The following TEK variants were observed in gnomAD, a reference collection of about 807,000 sequenced individuals.
The protein encoded by TEK is TEK receptor tyrosine kinase.
A neutral mutation model predicts 131.8 loss-of-function variants in TEK; 43 were observed. The ratio of observed to expected loss-of-function variants is 0.33; its 90% CI spans 0.26 to 0.42. The LOEUF (loss-of-function observed/expected upper bound fraction) is 0.42. Among genes scored for constraint, TEK ranks in the 10% least tolerant of loss-of-function variants. The pLI, the probability that TEK is intolerant of heterozygous loss-of-function variation, is 1.00. For missense variants in TEK, 1,162 were observed against 1,384.4 expected, an observed-to-expected ratio of 0.84 and a Z score of 2.55; for synonymous variants, 580 against 491.6, an observed-to-expected ratio of 1.18 and a Z score of -2.38.
In TEK at chr9:27,173,808, T is replaced by C. The variant is rs1465767969; in HGVS notation, c.901+446T>C. 2.0e-5 allele frequency among the ~76,000 whole-genome samples: 3 copies of C among 149,152 alleles called. 1 individual carries two copies. Among genetic ancestry groups the C allele is most frequent in the South Asian group, 4.4e-4 (2 of 4,582 alleles). ...AGCCAGGCATGGTAGCACATGCCTG[T>C]TGTCCCAGTTATTCAGGAGGCTGAG... On this transcript the variant is annotated intron_variant, in intron 6 of 22. Transcript: ENST00000380036.
At chr9:27,151,372 G>A (rs1242681261) in intron 1 of TEK, among the ~76,000 whole-genome samples, 1 of 152,114 alleles carries the variant, frequency 6.6e-6, no homozygotes, top group Non-Finnish European at 1.5e-5. Flanking sequence ...CCAACAGAAA[G>A]AAATTAATAG....
At chr9:27,228,479 G>T (rs1477061214) in intron 22 of TEK, among the ~76,000 whole-genome samples, 174 bp downstream of exon 22, 1 of 152,038 alleles carries the variant, frequency 6.6e-6, no homozygotes, top group Non-Finnish European at 1.5e-5. Context: ...CAATTTTGGG[G>T]GGAAATAAGA....
rs780686223 is a variant in TEK at position 27,217,670 on chromosome 9, T to C, written c.2992-18T>C. The C allele has an allele frequency of 1.7e-5, 27 of 1,613,230 alleles. 1 individual carries two copies. The South Asian group carries it at 2.9e-4, about 17-fold the overall frequency. On this transcript the variant is annotated intron_variant, in intron 18 of 22. Coordinates refer to ENST00000380036, the MANE Select transcript of TEK (RefSeq NM_000459.5). ...GACCCTGTCCCAGTTAAGTGAAATC[T>C]CACTTTGTTCTCTCCAGGGAAGGCT...
chr9:27,216,888 A>G (rs1825837496), intron 18 of TEK, among the ~76,000 whole-genome samples: 1 of 152,166 alleles, frequency 6.6e-6, no homozygotes, highest in Non-Finnish European at 1.5e-5. Context: ...GGAGGGATCA[A>G]CCTCTCAATG....
rs115729243 is a variant in TEK, at chr9:27,150,708, C to A, written c.53-7123C>A. ...GATGGAACCATGCTTCCTGCACCCC[C>A]ACTGCCTCACAGAATGGAGTTTGCA... On this transcript the variant is annotated intron_variant, in intron 1 of 22. Transcript: ENST00000380036. Among the ~76,000 whole-genome samples the A allele has an allele frequency of 2.1e-3, 326 of 152,292 alleles. 2 individuals are homozygous for A. Among genetic ancestry groups the A allele is most frequent in the African/African-American group, 7.7e-3 (322 of 41,570 alleles).
At chr9:27,121,060 G>T (rs757287755) in intron 1 of TEK, among the ~76,000 whole-genome samples, 3 of 152,152 alleles carry the variant, frequency 2.0e-5, no homozygotes, top group African/African-American at 7.2e-5. Context: ...TGTGGCTCAC[G>T]CCTGTAATCC....
intron 1 of TEK, among the ~76,000 whole-genome samples, chr9:27,123,730 G>A (rs1821886052): frequency 6.6e-6 from 1 of 152,284 alleles, no homozygotes. Context: ...GCCCAGAGAA[G>A]TCAGCATTTT....
At chr9:27,173,481 C>A in intron 6 of TEK, 119 bp downstream of exon 6, 1 of 1,250,798 alleles carries the variant, frequency 8.0e-7, no homozygotes, top group Non-Finnish European at 1.2e-6. Context: ...CACTACTGGA[C>A]AACAGGATTT....
intron 19 of TEK, among the ~76,000 whole-genome samples, chr9:27,218,503 C>T (rs1339850976): frequency 1.3e-5 from 2 of 152,152 alleles, no homozygotes; most frequent in Admixed American, 6.5e-5. Flanking sequence ...TCAAGCTCCA[C>T]AACAAATTTC....
chr9:27,179,550 G>C (rs994683968), intron 6 of TEK, among the ~76,000 whole-genome samples: 9 of 152,176 alleles, frequency 5.9e-5, no homozygotes, highest in Non-Finnish European at 1.0e-4. Flanking sequence ...TCTGGAATAT[G>C]ATACATTCCT....
intron 2 of TEK, among the ~76,000 whole-genome samples, chr9:27,159,815 T>C (rs1587533561): frequency 6.6e-6 from 1 of 152,070 alleles, no homozygotes; most frequent in Admixed American, 6.6e-5. Flanking sequence ...GGGAGGAAGG[T>C]ACAGAATTCC....
rs1030143672 is a variant in TEK at position 27,109,367 on chromosome 9, C to G, written c.-224C>G. 8.0e-6 allele frequency: 5 copies of G among 622,978 alleles called. No homozygotes were observed. Among genetic ancestry groups the G allele is most frequent in the African/African-American group, 1.8e-5 (1 of 54,312 alleles). 38.6% of individuals were successfully genotyped at this position (622,978 alleles called of 1,614,324 possible). A position where few individuals can be genotyped will look rare whatever the true frequency, so the allele number is the denominator to read the frequency against. On this transcript the variant is annotated 5_prime_UTR_variant, in exon 1 of 23. Transcript: ENST00000380036. ...CCTTTAAGATACAGCCTTTCCCATC[C>G]TAATCTACAAAGGAAACAGGAAAAA...
In TEK at chr9:27,206,611, A is replaced by G. The variant is rs1436470696; in HGVS notation, c.2394A>G (p.Ser798=). The stretch of plus-strand genomic sequence containing the variant: ...AAGAACCAGCTGTGCAGTTCAACTC[A>G]GGGACTCTGGCCCTAAACAGGAAGG... ...VREEPAVQFN[S]GTLALNRKVK... is the part of the protein sequence containing the mutation. Residue 798 remains serine (S), a synonymous_variant, in exon 15 of 23, where the codon TCA becomes TCG. Coordinates refer to ENST00000380036, the MANE Select transcript of TEK (RefSeq NM_000459.5). 2.5e-6 allele frequency: 4 copies of G among 1,614,020 alleles called. No homozygotes were observed. The highest frequency in any genetic ancestry group is 3.4e-6 in the Non-Finnish European group (4 of 1,179,972).
chr9:27,218,941 G>C, intron 20 of TEK, 124 bp downstream of exon 20: 2 of 974,790 alleles, frequency 2.1e-6, no homozygotes, highest in Non-Finnish European at 3.3e-6. Context: ...ATGTGACTTG[G>C]AAATAGAAAC....
chr9:27,167,234 T>G (rs1055226220), intron 2 of TEK, among the ~76,000 whole-genome samples: 4 of 152,240 alleles, frequency 2.6e-5, no homozygotes, highest in African/African-American at 7.2e-5. Flanking sequence ...TATTTTATTT[T>G]ATTTTATTTT....
Position 27,168,606 on chromosome 9 carries a change from G to T in TEK, c.475+1G>T. ...GAAGATGCAGTGATTTACAAAAATG[G>T]TGAGTATGTGTTTCATTGCTTTCCC... is the stretch of plus-strand genomic sequence containing the variant. On this transcript the variant is annotated splice_donor_variant, in intron 3 of 22. Transcript: ENST00000380036. LOFTEE classifies it high-confidence loss of function. 6.3e-7 allele frequency: 1 copy of T among 1,586,442 alleles called. No individual in the cohort carries two copies. Among genetic ancestry groups the T allele is most frequent in the Non-Finnish European group, 8.7e-7 (1 of 1,155,412 alleles).
chr9:27,228,063 T>C, intron 21 of TEK, 143 bp from the exon 22 acceptor site: 1 of 607,342 alleles, frequency 1.6e-6, no homozygotes, highest in Non-Finnish European at 2.9e-6. Context: ...GTGGGAGTCC[T>C]CATAGAAACT....
At chr9:27,135,287 G>A (rs920902695) in intron 1 of TEK, among the ~76,000 whole-genome samples, 1 of 151,168 alleles carries the variant, frequency 6.6e-6, no homozygotes, top group Non-Finnish European at 1.5e-5. Flanking sequence ...GCATTCATTA[G>A]CCCACCCTTA....
chr9:27,192,382 G>A lies in TEK; in HGVS notation c.1490-107G>A, dbSNP rs533491728. The A allele has an allele frequency of 1.8e-4, 234 of 1,275,232 alleles. 4 individuals carry two copies. In the South Asian group the frequency reaches 2.0e-3, roughly 11 times the overall value. 79.0% of individuals were successfully genotyped at this position (1,275,232 alleles called of 1,614,324 possible). On this transcript the variant is annotated intron_variant, in intron 10 of 22. Transcript: ENST00000380036. ...AATTGCCTCTCTGTTTCACTAAGAC[G>A]TAGTTTTGAAAACCTAAAATTAGTT...
Sources: gnomAD v4.1 joint callset for allele counts (sites outside exome capture counted in the v4.1 genomes callset) on GRCh38, gnomAD v4.1.1 for gene constraint, MANE v1.5 for transcripts, NCBI Gene and HGNC (gene_info 2026-07-23, HGNC 2026-07-21) for gene names.